KALRN: variants seen among roughly 807,000 people sequenced by gnomAD.
The protein encoded by KALRN is kalirin.
A neutral mutation model predicts 353.7 loss-of-function variants in KALRN; 70 were observed. That is an observed-to-expected ratio of 0.20 (90% CI 0.16 to 0.24). The LOEUF is 0.24. Among genes scored for constraint, KALRN ranks in the 10% least tolerant of loss-of-function variants. The probability of loss-of-function intolerance (pLI) is 1.00; values close to 1 mark genes in which losing one functional copy is unlikely to be tolerated. For missense variants in KALRN, 2,791 were observed against 3,756.7 expected (o/e 0.74, Z 6.72); for synonymous variants, 1,391 against 1,434.8 (o/e 0.97, Z 0.69).
At chr3:124,273,146 C>T (rs552223534) in intron 5 of KALRN, among the ~76,000 whole-genome samples, 7 of 152,350 alleles carry the variant, frequency 4.6e-5, no homozygotes, top group South Asian at 2.1e-4. Flanking sequence ...TCCCCATTTA[C>T]CAGCTGGCCT....
Position 124,395,253 on chromosome 3 carries a change from A to G in KALRN, c.2081A>G (p.Asp694Gly). 6.2e-7 allele frequency: 1 copy of G among 1,613,296 alleles called. No homozygotes were observed. Among genetic ancestry groups the G allele is most frequent in the Non-Finnish European group, 8.5e-7 (1 of 1,179,900 alleles). Residue 694 changes from aspartate to glycine, a missense_variant, in exon 12 of 60, where the codon GAT becomes GGT. By Grantham distance (94) the Asp-to-Gly change is moderately conservative (BLOSUM62 -1). Around this residue, in one of 11 missense-constraint regions of KALRN, gnomAD observed 452 missense variants for 575.8 expected, o/e 0.78. Coordinates refer to ENST00000682506, the MANE Select transcript of KALRN (RefSeq NM_001388419.1). ...QFQQQQTATLDATLNVIKEGE... is the reference protein window; with the variant it reads ...QFQQQQTATLGATLNVIKEGE... ...CAGCAGCAGCAGACCGCCACTCTAG[A>G]TGCCACACTCAATGTCATCAAGGAA... is the stretch of plus-strand genomic sequence containing the variant.
At chr3:124,305,015 T>G (rs2077571734) in intron 6 of KALRN, among the ~76,000 whole-genome samples, 3 of 152,186 alleles carry the variant, frequency 2.0e-5, no homozygotes, top group Non-Finnish European at 2.9e-5. Flanking sequence ...TTGGGAGAGA[T>G]AAGCCAAGAA....
intron 5 of KALRN, among the ~76,000 whole-genome samples, chr3:124,296,153 T>TA (rs2076827771): frequency 6.6e-6 from 1 of 152,208 alleles, no homozygotes; most frequent in African/African-American, 2.4e-5. Flanking sequence ...TGTGAGTTGT[T>TA]ACAGCCCTGA....
intron 13 of KALRN, among the ~76,000 whole-genome samples, chr3:124,411,313 A>G (rs1159090233): frequency 6.6e-6 from 1 of 151,920 alleles, no homozygotes. Flanking sequence ...AAGACTCAGA[A>G]CTGAATGCTT....
At chr3:124,620,386 G>A (rs1288410027) in intron 34 of KALRN, among the ~76,000 whole-genome samples, 2 of 152,170 alleles carry the variant, frequency 1.3e-5, no homozygotes, top group African/African-American at 4.8e-5. Flanking sequence ...TTATAGGCAT[G>A]AGCCACCACT....
chr3:124,491,336 G>A lies in KALRN; in HGVS notation c.4601G>A (p.Gly1534Asp). ...TCCTGTCTACAGACCTCAGAGCTGGGTGTGACCGAGCACGTGGAGGGCGAT... is the reference window on the plus strand; with the variant it reads ...TCCTGTCTACAGACCTCAGAGCTGGATGTGACCGAGCACGTGGAGGGCGAT... The part of the protein sequence containing the change: ...YKNKLLTSEL[G>D]VTEHVEGDPC... Residue 1534 changes from glycine (G) to aspartate (D), a missense_variant, in exon 31 of 60, where the codon GGT (glycine) becomes GAT (aspartate). Around this residue, in one of 11 missense-constraint regions of KALRN, gnomAD observed 239 missense variants for 351.3 expected, o/e 0.68. Transcript: ENST00000682506. 6.2e-7 allele frequency: 1 copy of A among 1,606,186 alleles called. No individual in the cohort carries two copies. Among genetic ancestry groups the A allele is most frequent in the Non-Finnish European group, 8.5e-7 (1 of 1,175,826 alleles).
intron 1 of KALRN, among the ~76,000 whole-genome samples, chr3:124,191,876 C>G (rs1221054804): frequency 6.6e-6 from 1 of 152,164 alleles, no homozygotes; most frequent in African/African-American, 2.4e-5. Flanking sequence ...CAATCTAGAT[C>G]CAAGGGAATG....
intron 37 of KALRN, among the ~76,000 whole-genome samples, chr3:124,643,028 G>T (rs1420980687): frequency 6.6e-6 from 1 of 151,894 alleles, no homozygotes; most frequent in African/African-American, 2.4e-5. Flanking sequence ...TGTTGGTCAG[G>T]CTGGTCTTGA....
At chr3:124,470,536 A>T (rs937790862) in intron 25 of KALRN, among the ~76,000 whole-genome samples, 227 of 14,062 alleles carry the variant, frequency 0.016, no homozygotes, top group Non-Finnish European at 0.049. Context: ...AGGTTTTTTA[A>T]AAAAAAAAAT....
chr3:124,375,030 A>G (rs1453425773), intron 10 of KALRN, among the ~76,000 whole-genome samples: 1 of 152,150 alleles, frequency 6.6e-6, no homozygotes, highest in Admixed American at 6.5e-5. Flanking sequence ...CACTTTTAAA[A>G]TATTTTTGTC....
intron 35 of KALRN, among the ~76,000 whole-genome samples, 190 bp from the exon 36 acceptor site, chr3:124,633,662 C>G (rs1361851950): frequency 6.6e-6 from 1 of 151,420 alleles, no homozygotes; most frequent in Non-Finnish European, 1.5e-5. Flanking sequence ...TGTGTGTTCC[C>G]CACTGGTGCT....
At chr3:124,633,636 GGTGTGT>G (rs60981319) in intron 35 of KALRN, among the ~76,000 whole-genome samples, 9 of 103,688 alleles carry the variant, frequency 8.7e-5, no homozygotes, top group Non-Finnish European at 1.5e-4. Context: ...TCTTTTTGGG[GGTGTGT>G]GTGTGTGTGT....
chr3:124,662,741 A>G (rs752530723), intron 45 of KALRN, among the ~76,000 whole-genome samples: 3 of 152,212 alleles, frequency 2.0e-5, no homozygotes, highest in Admixed American at 6.5e-5. Flanking sequence ...AAAACAAAGT[A>G]CCATAAATTG....
chr3:124,216,321 G>A (rs1464312096), intron 1 of KALRN, among the ~76,000 whole-genome samples: 2 of 152,196 alleles, frequency 1.3e-5, no homozygotes, highest in Non-Finnish European at 2.9e-5. Context: ...TAGAAAATAG[G>A]ATCTAGTGGT....
At chr3:124,580,877 G>T (rs1347406950) in intron 34 of KALRN, among the ~76,000 whole-genome samples, 1 of 151,892 alleles carries the variant, frequency 6.6e-6, no homozygotes, top group Non-Finnish European at 1.5e-5. Context: ...GGAGGCCGAG[G>T]GGGGCAGATC....
chr3:124,707,090 G>A (rs2062655999), intron 57 of KALRN, among the ~76,000 whole-genome samples: 2 of 151,926 alleles, frequency 1.3e-5, no homozygotes, highest in African/African-American at 4.8e-5. Flanking sequence ...TGTAATCCCA[G>A]CACTTTGGGA....
chr3:124,305,853 A>T (rs1018807019), intron 6 of KALRN, among the ~76,000 whole-genome samples: 4 of 152,180 alleles, frequency 2.6e-5, no homozygotes, highest in African/African-American at 9.7e-5. Context: ...AAGAAACAGG[A>T]AAGTATGACC....
At chr3:124,208,875 A>G (rs2076653028) in intron 1 of KALRN, among the ~76,000 whole-genome samples, 1 of 151,894 alleles carries the variant, frequency 6.6e-6, no homozygotes, top group African/African-American at 2.4e-5. Flanking sequence ...TTGATGTGGG[A>G]GGATTGCTTG....
chr3:124,565,224 C>G (rs983616376), intron 34 of KALRN, among the ~76,000 whole-genome samples: 1 of 152,216 alleles, frequency 6.6e-6, no homozygotes, highest in African/African-American at 2.4e-5. Context: ...CGTCCTAATT[C>G]TCCTCGTGCC....
Sources: gnomAD v4.1 joint callset for allele counts (sites outside exome capture counted in the v4.1 genomes callset) on GRCh38, gnomAD v4.1.1 for gene constraint, gnomAD v4.1.1 regional missense constraint, MANE v1.5 for transcripts, NCBI Gene and HGNC (gene_info 2026-07-23, HGNC 2026-07-21) for gene names.